Variants in NCOR2 observed in about 807,000 individuals in gnomAD.
The protein encoded by NCOR2 is nuclear receptor corepressor 2.
NCOR2 carries 81 observed loss-of-function variants against 262.9 expected under a neutral mutation model. That is an observed-to-expected ratio of 0.31 (90% CI 0.26 to 0.37). The LOEUF is 0.37. NCOR2 is among the 10% of genes least tolerant of loss of function. The pLI, the probability that NCOR2 is intolerant of heterozygous loss-of-function variation, is 1.00. For missense variants in NCOR2, 3,385 were observed against 3,621.4 expected (o/e 0.93, Z 1.68); for synonymous variants, 1,659 against 1,559.3 (o/e 1.06, Z -1.51).
At chr12:124,539,172 T>G (rs1165058839), upstream of NCOR2, 1 of 152,294 alleles carries the variant, frequency 6.6e-6, no homozygotes, top group Admixed American at 6.5e-5. The surrounding 1 kb of genome is among the most constrained non-coding windows in gnomAD (Gnocchi z 5.1). Context: ...GCCGGGCGTC[T>G]CCCAGCTCAG....
intron 11 of NCOR2, among the ~76,000 whole-genome samples, chr12:124,424,452 A>G (rs1038014807): frequency 9.9e-5 from 15 of 152,144 alleles, no homozygotes; most frequent in African/African-American, 3.4e-4. Flanking sequence ...TCAGGAACCA[A>G]GCGCTGTTTC....
chr12:124,429,666 C>T (rs550727654), exon 10 of NCOR2: 44 of 1,609,314 alleles, frequency 2.7e-5, no homozygotes, highest in South Asian at 4.4e-5. Context: ...TCGCTGCGGG[C>T]GGCCGACATG....
intron 3 of NCOR2, among the ~76,000 whole-genome samples, chr12:124,476,995 T>C (rs1184829759): frequency 6.8e-6 from 1 of 148,122 alleles, no homozygotes; most frequent in Non-Finnish European, 1.5e-5. Flanking sequence ...TGGACAGACA[T>C]AAAAGGCTGC....
At chr12:124,498,788 T>C (rs188435624), upstream of NCOR2, among the ~76,000 whole-genome samples, 110 of 152,262 alleles carry the variant, frequency 7.2e-4, no homozygotes, top group African/African-American at 2.6e-3. Context: ...ATCCCTACGA[T>C]GGAGTATTAC....
At chr12:124,364,592 G>A (rs190259532) in intron 20 of NCOR2, among the ~76,000 whole-genome samples, 7 of 152,346 alleles carry the variant, frequency 4.6e-5, no homozygotes, top group Non-Finnish European at 7.3e-5. Context: ...CTGGCAGAGC[G>A]TGCATTGGGG....
chr12:124,327,714 G>A (rs2034805302), intron 44 of NCOR2, 81 bp from the exon 47 acceptor site: 27 of 996,564 alleles, frequency 2.7e-5, no homozygotes, highest in Non-Finnish European at 4.0e-5. Context: ...GAGAGAGAAG[G>A]GAGAGAGAGA....
intron 5 of NCOR2, among the ~76,000 whole-genome samples, chr12:124,459,521 G>A (rs1565962341): frequency 2.0e-5 from 3 of 152,124 alleles, no homozygotes; most frequent in Admixed American, 6.5e-5. Flanking sequence ...ACATCTGGGA[G>A]TCGGCTGTGC....
chr12:124,457,022 T>C lies in NCOR2; in HGVS notation c.762+84A>G. The C allele has an allele frequency of 2.7e-6, 3 of 1,123,250 alleles. No individual in the cohort carries two copies. The highest frequency in any genetic ancestry group is 3.6e-6 in the Non-Finnish European group (3 of 834,756). 69.6% of individuals were successfully genotyped at this position (1,123,250 alleles called of 1,614,324 possible). A position where few individuals can be genotyped will look rare whatever the true frequency, so the allele number is the denominator to read the frequency against. On this transcript the variant is annotated intron_variant, in intron 6 of 46. Transcript: ENST00000405201. The surrounding 1 kb of genome is among the most constrained non-coding windows in gnomAD (Gnocchi z 4.0). ...CGCTTGGTAATAGATGACTTCCTCCTCCGCCGCACCCTCCCGCCTCCCTGC... is the reference window on the plus strand; with the variant it reads ...CGCTTGGTAATAGATGACTTCCTCCCCCGCCGCACCCTCCCGCCTCCCTGC...
At chr12:124,416,627 C>T (rs1488290667) in intron 13 of NCOR2, among the ~76,000 whole-genome samples, 1 of 146,656 alleles carries the variant, frequency 6.8e-6, no homozygotes, top group Non-Finnish European at 1.5e-5. Context: ...AGGGAGTCCC[C>T]GCGGCACAGA....
intron 1 of NCOR2, among the ~76,000 whole-genome samples, chr12:124,516,552 G>A (rs1226052816): frequency 1.3e-5 from 2 of 152,142 alleles, no homozygotes; most frequent in Admixed American, 6.5e-5. Flanking sequence ...TTACAATTAC[G>A]GAGGCCCACC....
At position 124,503,647 on chromosome 12, in the gene NCOR2, GATGGATGGATGGATGGACGGGTGA is replaced by G. The variant is rs1297920179; in HGVS notation, c.-117-8303_-117-8280del. 6.8e-5 allele frequency among the ~76,000 whole-genome samples: 10 copies of G among 147,616 alleles called. No homozygotes were observed. Among genetic ancestry groups the G allele is most frequent in the Non-Finnish European group, 1.0e-4 (7 of 67,316 alleles). On this transcript the variant is annotated intron_variant, in intron 1 of 46. Transcript: ENST00000404621. This position sits in a 1 kb window ranked among gnomAD's most constrained non-coding sequence, Gnocchi z 4.3. ...GGATGGATGGATGGGCGAATGGATG[GATGGATGGATGGATGGACGGGTGA>G]ATGGATGGATGGATGGATGGATGGA...
chr12:124,361,449 T>G (rs1013961981), intron 22 of NCOR2, among the ~76,000 whole-genome samples: 1 of 152,308 alleles, frequency 6.6e-6, no homozygotes, highest in East Asian at 1.9e-4. Flanking sequence ...GGGGCAGAGA[T>G]TGAAGATCCA....
At chr12:124,524,710 C>T (rs2050363272) in intron 1 of NCOR2, among the ~76,000 whole-genome samples, 1 of 152,210 alleles carries the variant, frequency 6.6e-6, no homozygotes, top group Admixed American at 6.5e-5. Flanking sequence ...CTAACTGCCC[C>T]TAACTAATCA....
At chr12:124,456,073 G>A (rs1265753019) in intron 6 of NCOR2, among the ~76,000 whole-genome samples, 4 of 152,186 alleles carry the variant, frequency 2.6e-5, no homozygotes, top group Non-Finnish European at 5.9e-5. Context: ...ACAAGGTCTT[G>A]CTATCTTGCC....
chr12:124,495,118 C>T lies in NCOR2; in HGVS notation c.105+29G>A, dbSNP rs758925631. 1.3e-5 allele frequency: 21 copies of T among 1,610,634 alleles called. No individual in the cohort carries two copies. The highest frequency in any genetic ancestry group is 1.8e-5 in the Non-Finnish European group (21 of 1,178,738). Reference sequence around the variant, plus strand: ...ATGGAAGAAGGGTCTCAAAGGTAGCCCCAGGCGCACACATGTGCACCCCCT... The same window carrying T: ...ATGGAAGAAGGGTCTCAAAGGTAGCTCCAGGCGCACACATGTGCACCCCCT... On this transcript the variant is annotated intron_variant, in intron 1 of 46. Transcript: ENST00000405201. The surrounding 1 kb of genome is among the most constrained non-coding windows in gnomAD (Gnocchi z 4.4).
chr12:124,447,076 G>A (rs998396961), intron 7 of NCOR2, among the ~76,000 whole-genome samples: 2 of 152,066 alleles, frequency 1.3e-5, no homozygotes, highest in African/African-American at 4.8e-5. Flanking sequence ...CACCACAGCC[G>A]GCTAATTTTT....
In NCOR2 at chr12:124,517,310, C is replaced by T. The variant is rs537909163; in HGVS notation, c.-118+18255G>A. The stretch of plus-strand genomic sequence containing the variant: ...CCCAGGAGCCATTCCCGCCACCTCC[C>T]TATGGCCGCGGCGCACCCAGACCTC... On this transcript the variant is annotated intron_variant, in intron 1 of 46. Transcript: ENST00000404621. This position sits in a 1 kb window ranked among gnomAD's most constrained non-coding sequence, Gnocchi z 7.6. Among the ~76,000 whole-genome samples, 3 of 152,302 alleles carry T rather than the reference C, an allele frequency of 2.0e-5. No homozygotes were observed. In the East Asian group the frequency reaches 5.8e-4, roughly 29 times the overall value.
rs954297620 is a variant in NCOR2, at chr12:124,443,494, T to C, written c.816-5498A>G. 6.6e-6 allele frequency among the ~76,000 whole-genome samples: 1 copy of C among 151,812 alleles called. No individual in the cohort carries two copies. The highest frequency in any genetic ancestry group is 1.5e-5 in the Non-Finnish European group (1 of 67,850). On this transcript the variant is annotated intron_variant, in intron 7 of 46. Coordinates refer to ENST00000405201, the Ensembl canonical transcript of NCOR2. The surrounding 1 kb of genome is among the most constrained non-coding windows in gnomAD (Gnocchi z 4.4). Reference sequence around the variant, plus strand: ...GTGTTGGGCTGTGGTGCTTTATTTATTTATTTTTTATTTTTTATTTTTTTG... The same window carrying C: ...GTGTTGGGCTGTGGTGCTTTATTTACTTATTTTTTATTTTTTATTTTTTTG...
At position 124,389,591 on chromosome 12, in the gene NCOR2, C is replaced by T. The variant is rs2041126343; in HGVS notation, c.1877-3704G>A. Among the ~76,000 whole-genome samples the T allele has an allele frequency of 6.6e-6, 1 of 152,200 alleles. No individual in the cohort carries two copies. On this transcript the variant is annotated intron_variant, in intron 16 of 46. Transcript: ENST00000405201. The surrounding 1 kb of genome is among the most constrained non-coding windows in gnomAD (Gnocchi z 4.4). ...GTCCCCCCACCCTCCGTGTCAGTTC[C>T]ACCTGAGCTCTGCCCCCTGCCTGGC...
Sources: gnomAD v4.1 joint callset for allele counts (sites outside exome capture counted in the v4.1 genomes callset) on GRCh38, gnomAD v4.1.1 for gene constraint, Gnocchi (gnomAD v3.1) non-coding constraint, MANE v1.5 for transcripts, NCBI Gene and HGNC (gene_info 2026-07-23, HGNC 2026-07-21) for gene names.